Variants in PDCD2 observed in about 807,000 individuals in gnomAD.
PDCD2 encodes the protein uS5 assembly chaperone PDCD2.
Under a neutral mutation model 38.1 loss-of-function variants are expected in PDCD2, and 38 were observed. That is an observed-to-expected ratio of 1.00 (90% CI 0.77 to 1.31). PDCD2 has a LOEUF of 1.31. Among genes scored for constraint, PDCD2 ranks in the 50% most tolerant of loss-of-function variants. The pLI is 0.00. For synonymous variants in PDCD2, 205 were observed against 168.9 expected (o/e 1.21, Z -1.66); for missense variants, 473 against 435.7 (o/e 1.09, Z -0.76).
intron 3 of PDCD2, chr6:170,582,513 T>A: frequency 7.4e-7 from 1 of 1,357,598 alleles, no homozygotes; most frequent in Non-Finnish European, 9.6e-7. Context: ...CTCATTGGTC[T>A]GCTGTCACGA....
chr6:170,577,408 T>C lies in PDCD2; in HGVS notation c.*151A>G, dbSNP rs1250816742. 1 of 650,258 alleles carries C rather than the reference T, an allele frequency of 1.5e-6. No homozygotes were observed. Among genetic ancestry groups the C allele is most frequent in the Non-Finnish European group, 2.6e-6 (1 of 388,142 alleles). The allele number at this position is 650,258 out of a possible 1,614,324, so 40.3% of individuals were successfully genotyped here. A position where few individuals can be genotyped will look rare whatever the true frequency, so the allele number is the denominator to read the frequency against. Reference sequence around the variant, plus strand: ...TTAATTCCCTGTCACTGGACACTTTTGTTTCACTAATAAGTAGACACTGTG... The same window carrying C: ...TTAATTCCCTGTCACTGGACACTTTCGTTTCACTAATAAGTAGACACTGTG... On this transcript the variant is annotated 3_prime_UTR_variant, in exon 6 of 6. Coordinates refer to ENST00000541970, the MANE Select transcript of PDCD2 (RefSeq NM_002598.4).
At position 170,583,608 on chromosome 6, in the gene PDCD2, T is replaced by G; in HGVS notation, c.423A>C (p.Leu141Phe). The stretch of plus-strand genomic sequence containing the variant: ...GGCATCTGGAGCACGTTTTGGGGCC[T>G]AAACAGCCACAAACCCTGCAGAGAT... ...GAHLCRVCGC[L>F]GPKTCSRCHK... Residue 141 changes from leucine (L) to phenylalanine (F), a missense_variant, in exon 2 of 6, where the codon TTA (leucine) becomes TTC (phenylalanine). By Grantham distance (22) the Leu-to-Phe change is conservative (BLOSUM62 0). Coordinates refer to ENST00000541970, the MANE Select transcript of PDCD2 (RefSeq NM_002598.4). 3.1e-6 allele frequency: 5 copies of G among 1,613,986 alleles called. No homozygotes were observed. Among genetic ancestry groups the G allele is most frequent in the Non-Finnish European group, 4.2e-6 (5 of 1,179,900 alleles).
At chr6:170,582,925 A>G (rs1779658715) in intron 3 of PDCD2, 132 bp downstream of exon 3, 4 of 1,492,632 alleles carry the variant, frequency 2.7e-6, no homozygotes, top group South Asian at 1.4e-5. Context: ...ACCTGAGGCA[A>G]TATCTGAAAA....
Position 170,575,693 on chromosome 6 carries a change from G to A in PDCD2, c.*1866C>T, listed in dbSNP as rs1282092867. 4 of 152,084 alleles carry A rather than the reference G, an allele frequency of 2.6e-5. No individual in the cohort carries two copies. The highest frequency in any genetic ancestry group is 1.5e-5 in the Non-Finnish European group (1 of 68,020). The allele number at this position is 152,084 out of a possible 1,614,324, so 9.4% of individuals were successfully genotyped here. On this transcript the variant is annotated 3_prime_UTR_variant, in exon 6 of 6. Transcript: ENST00000541970. ...TCGGTGCTGTGAGATTTTCTTTCTG[G>A]TGATTTGGACCAGTTTGTCTCCCTC... is the stretch of plus-strand genomic sequence containing the variant.
intron 4 of PDCD2, 91 bp downstream of exon 4, chr6:170,579,911 C>G (rs1562367296): frequency 1.3e-6 from 1 of 745,076 alleles, no homozygotes; most frequent in African/African-American, 1.7e-5. Context: ...AAGGAACAGA[C>G]TAATGTTACT....
Position 170,584,324 on chromosome 6 carries a change from C to T in PDCD2, c.258G>A (p.Glu86=). The change falls in exon 1 of 6, where the codon GAG becomes GAA. Residue 86 remains glutamate, a synonymous_variant. Coordinates refer to ENST00000541970, the MANE Select transcript of PDCD2 (RefSeq NM_002598.4). The part of the protein sequence containing the change: ...HRCIFLFCCR[E]QPCCAGLRVF... ...CTCGCAGGCCGGCACAGCACGGCTG[C>T]TCGCGGCAGCAGAAGAGGAAGATGC... 2 of 1,498,018 alleles carry T rather than the reference C, an allele frequency of 1.3e-6. No individual in the cohort carries two copies. The highest frequency in any genetic ancestry group is 8.9e-7 in the Non-Finnish European group (1 of 1,129,674). The allele number at this position is 1,498,018 out of a possible 1,614,324, so 92.8% of individuals were successfully genotyped here.
At chr6:170,582,762 A>T in intron 3 of PDCD2, 2 of 1,278,016 alleles carry the variant, frequency 1.6e-6, no homozygotes, top group Non-Finnish European at 2.0e-6. Context: ...TCCCGACCCG[A>T]GAAACCGATC....
Position 170,584,333 on chromosome 6 carries a change from G to A in PDCD2, c.249C>T (p.Cys83=), listed in dbSNP as rs1006311466. 2.0e-6 allele frequency: 3 copies of A among 1,501,900 alleles called. No homozygotes were observed. The highest frequency in any genetic ancestry group is 1.4e-5 in the African/African-American group (1 of 69,266). The allele number at this position is 1,501,900 out of a possible 1,614,324, so 93.0% of individuals were successfully genotyped here. ...CGGCACAGCACGGCTGCTCGCGGCA[G>A]CAGAAGAGGAAGATGCAGCGGTGGA... is the stretch of plus-strand genomic sequence containing the variant. ...DAFHRCIFLF[C]CREQPCCAGL... is the part of the protein sequence containing the mutation. Residue 83 remains cysteine (C), a synonymous_variant, in exon 1 of 6, where the codon TGC becomes TGT. Coordinates refer to ENST00000541970, the MANE Select transcript of PDCD2 (RefSeq NM_002598.4).
intron 5 of PDCD2, chr6:170,578,459 T>G (rs1779505083): frequency 1.7e-6 from 1 of 582,886 alleles, no homozygotes; most frequent in South Asian, 2.2e-5. Context: ...CAAACCAAGA[T>G]TAAACAGTAA....
chr6:170,584,265 C>G, intron 1 of PDCD2, 34 bp downstream of exon 1: 1 of 1,379,166 alleles, frequency 7.3e-7, no homozygotes, highest in Non-Finnish European at 9.4e-7. Context: ...GCGTCGGAGG[C>G]ATGGCCCCGT....
chr6:170,583,192 A>T lies in PDCD2; in HGVS notation c.527-4T>A, dbSNP rs370480806. ...GGAATTATATGGTCCAGATGATCTG[A>T]AACAAAAAGGACAGCACTATTAGTA... is the stretch of plus-strand genomic sequence containing the variant. On this transcript the variant is annotated splice_polypyrimidine_tract_variant and splice_region_variant and intron_variant, in intron 2 of 5. Coordinates refer to ENST00000541970, the MANE Select transcript of PDCD2 (RefSeq NM_002598.4). The T allele has an allele frequency of 2.3e-5, 37 of 1,582,492 alleles. No individual in the cohort carries two copies. The highest frequency in any genetic ancestry group is 3.1e-5 in the Non-Finnish European group (36 of 1,158,804).
chr6:170,584,221 C>A, intron 1 of PDCD2, 78 bp downstream of exon 1: 1 of 1,289,110 alleles, frequency 7.8e-7, no homozygotes, highest in Non-Finnish European at 9.8e-7. Context: ...TTGCCGCCGT[C>A]CCCCTGGTCG....
At chr6:170,579,508 TC>T in intron 4 of PDCD2, 1 of 155,434 alleles carries the variant, frequency 6.4e-6, no homozygotes, top group Non-Finnish European at 1.4e-5. Context: ...GATCTATTCT[TC>T]CTGTGTATTT....
At chr6:170,577,815 C>T (rs1562366136) in intron 5 of PDCD2, 98 bp from the exon 6 acceptor site, 2 of 1,054,576 alleles carry the variant, frequency 1.9e-6, no homozygotes, top group African/African-American at 1.6e-5. Context: ...GTCTTTCAAT[C>T]CTCATACTAC....
intron 4 of PDCD2, 66 bp from the exon 5 acceptor site, chr6:170,579,036 G>A (rs936874075): frequency 2.1e-6 from 2 of 930,660 alleles, no homozygotes; most frequent in African/African-American, 3.3e-5. Flanking sequence ...ATGGTAACAT[G>A]CTATCTACTC....
At position 170,575,498 on chromosome 6, in the gene PDCD2, C is replaced by A. The variant is rs935083385; in HGVS notation, c.*2061G>T. ...AAATGGTGGATGCATGGACTGGCAC[C>A]GTCTGTGGAGCCATGATTATGTAGG... On this transcript the variant is annotated 3_prime_UTR_variant, in exon 6 of 6. Coordinates refer to ENST00000541970, the MANE Select transcript of PDCD2 (RefSeq NM_002598.4). 1 of 152,088 alleles carries A rather than the reference C, an allele frequency of 6.6e-6. No homozygotes were observed. The highest frequency in any genetic ancestry group is 1.9e-4 in the East Asian group (1 of 5,188). The allele number at this position is 152,088 out of a possible 1,614,324, so 9.4% of individuals were successfully genotyped here. A position where few individuals can be genotyped will look rare whatever the true frequency, so the allele number is the denominator to read the frequency against.
intron 3 of PDCD2, chr6:170,581,584 C>T (rs2115014565): frequency 6.5e-6 from 1 of 153,744 alleles, no homozygotes; most frequent in African/African-American, 2.4e-5. Context: ...AACCACCTCT[C>T]CAAAGAGCCT....
chr6:170,582,221 G>C (rs1779629495), intron 3 of PDCD2: 2 of 1,447,384 alleles, frequency 1.4e-6, no homozygotes, highest in Non-Finnish European at 1.9e-6. Context: ...TCCTCCATAA[G>C]ACTGTGAGCA....
chr6:170,583,915 C>G (rs1779715088), intron 1 of PDCD2, 168 bp from the exon 2 acceptor site: 1 of 632,182 alleles, frequency 1.6e-6, no homozygotes, highest in Non-Finnish European at 2.7e-6. Flanking sequence ...CCGGTACACG[C>G]AACTGAGTTG....
Sources: allele counts gnomAD v4.1 joint callset, GRCh38; gene constraint gnomAD v4.1.1; transcripts MANE v1.5; gene names NCBI Gene and HGNC (gene_info 2026-07-23, HGNC 2026-07-21).